PTPN4: variants seen among roughly 807,000 people sequenced by gnomAD.
PTPN4 encodes tyrosine-protein phosphatase non-receptor type 4.
A neutral mutation model predicts 135.5 loss-of-function variants in PTPN4; 49 were observed. That is an observed-to-expected ratio of 0.36 (90% confidence interval 0.29 to 0.46). PTPN4 has a LOEUF of 0.46. Among genes scored for constraint, PTPN4 ranks in the 20% least tolerant of loss-of-function variants. PTPN4 has a pLI of 1.00. For synonymous variants in PTPN4, 333 were observed against 369.9 expected (o/e 0.90, Z 1.14); for missense variants, 860 against 1,101.0 (o/e 0.78, Z 3.10).
In PTPN4 at chr2:119,952,018, C is replaced by A. The variant is rs765894843; in HGVS notation, c.1702C>A (p.Leu568Met). 3 of 1,613,112 alleles carry A rather than the reference C, an allele frequency of 1.9e-6. No individual in the cohort carries two copies. The African/African-American group carries it at 4.0e-5, about 22-fold the overall frequency. ...ACTGAATGAAGGGGACCAAGTTGTA[C>A]TGATCAATGGTCGGGACATTGCAGA... ...PRLNEGDQVV[L>M]INGRDIAEHT... is the part of the protein sequence containing the mutation. The change falls in exon 19 of 27, where the codon CTG becomes ATG. Residue 568 changes from leucine (L) to methionine (M), a missense_variant. By Grantham distance (15) the Leu-to-Met change is conservative. Coordinates refer to ENST00000263708, the MANE Select transcript of PTPN4 (RefSeq NM_002830.4).
chr2:119,781,935 C>T (rs996001970), intron 1 of PTPN4, among the ~76,000 whole-genome samples: 2 of 151,644 alleles, frequency 1.3e-5, no homozygotes, highest in African/African-American at 2.4e-5. Context: ...GCTTTTTTTC[C>T]TGCGTGATTG....
At chr2:119,967,308 G>T (rs940905689) in intron 25 of PTPN4, among the ~76,000 whole-genome samples, 2 of 152,084 alleles carry the variant, frequency 1.3e-5, no homozygotes, top group Non-Finnish European at 1.5e-5. Flanking sequence ...AATTAGCCAG[G>T]TGTGGTGGTG....
intron 22 of PTPN4, among the ~76,000 whole-genome samples, chr2:119,958,864 A>G (rs976303779): frequency 1.3e-5 from 2 of 152,214 alleles, no homozygotes; most frequent in African/African-American, 4.8e-5. Flanking sequence ...TCCATGAGGT[A>G]TATCACATCC....
intron 26 of PTPN4, among the ~76,000 whole-genome samples, chr2:119,975,007 T>C (rs1295669102): frequency 1.3e-5 from 2 of 152,202 alleles, no homozygotes; most frequent in Non-Finnish European, 2.9e-5. Flanking sequence ...ATAAACAGTA[T>C]GGCTAATGAA....
intron 8 of PTPN4, among the ~76,000 whole-genome samples, chr2:119,883,708 T>C (rs1270631475): frequency 6.6e-6 from 1 of 152,218 alleles, no homozygotes; most frequent in East Asian, 1.9e-4. Context: ...TCTTCTTCTC[T>C]GTTTCCTTAC....
chr2:119,878,339 T>G (rs1370918701), intron 5 of PTPN4, among the ~76,000 whole-genome samples: 3 of 152,156 alleles, frequency 2.0e-5, no homozygotes, highest in African/African-American at 7.2e-5. Context: ...ATGAGTTATT[T>G]TACAAAGACA....
intron 15 of PTPN4, among the ~76,000 whole-genome samples, chr2:119,937,836 G>A (rs1216513895): frequency 1.3e-5 from 2 of 152,058 alleles, no homozygotes; most frequent in Admixed American, 6.6e-5. Context: ...GGAGGCTGAG[G>A]CAGAAGGATC....
chr2:119,793,846 G>GTTTTTTTTTTTTTTTTTTTTTTTTT (rs55956611), intron 1 of PTPN4, among the ~76,000 whole-genome samples: 1 of 24,800 alleles, frequency 4.0e-5, no homozygotes, highest in Non-Finnish European at 6.3e-5. Context: ...TTCATTTTTA[G>GTTTTTTTTTTTTTTTTTTTTTTTTT]TTTTTTTTTT....
chr2:119,960,921 G>A lies in PTPN4; in HGVS notation c.2248G>A (p.Val750Ile). 2 of 1,613,562 alleles carry A rather than the reference G, an allele frequency of 1.2e-6. No homozygotes were observed. Among genetic ancestry groups the A allele is most frequent in the African/African-American group, 1.3e-5 (1 of 75,016 alleles). Reference sequence around the variant, plus strand: ...TTGGGAACAAGGCTCCTCTATGGTTGTAATGTTGACCACACAAGTTGAACG... The same window carrying A: ...TTGGGAACAAGGCTCCTCTATGGTTATAATGTTGACCACACAAGTTGAACG... ...MTWEQGSSMV[V>I]MLTTQVERGR... The change falls in exon 23 of 27, where the codon GTA becomes ATA. Residue 750 changes from valine (V) to isoleucine (I), a missense_variant. Physicochemically the swap from Val to Ile is conservative, Grantham distance 29. Coordinates refer to ENST00000263708, the MANE Select transcript of PTPN4 (RefSeq NM_002830.4).
At chr2:119,971,129 C>T (rs529531183) in intron 26 of PTPN4, among the ~76,000 whole-genome samples, 1 of 152,250 alleles carries the variant, frequency 6.6e-6, no homozygotes, top group East Asian at 1.9e-4. Flanking sequence ...ACTCACAGTT[C>T]CCCAGGCTGT....
chr2:119,951,881 C>A, intron 18 of PTPN4, 92 bp from the exon 19 acceptor site: 1 of 1,008,144 alleles, frequency 9.9e-7, no homozygotes, highest in Non-Finnish European at 1.4e-6. Context: ...TAGTTTAGTT[C>A]TCCTGCTATT....
intron 2 of PTPN4, among the ~76,000 whole-genome samples, chr2:119,824,013 T>C (rs1297090681): frequency 6.6e-6 from 1 of 152,230 alleles, no homozygotes; most frequent in African/African-American, 2.4e-5. Context: ...ATTCATTTAG[T>C]TCAGAATATT....
chr2:119,902,822 C>T (rs968400309), intron 10 of PTPN4, among the ~76,000 whole-genome samples: 3 of 152,114 alleles, frequency 2.0e-5, no homozygotes, highest in Non-Finnish European at 4.4e-5. Flanking sequence ...CCTCATGGGC[C>T]GTGAGACTAG....
At chr2:119,777,350 C>T (rs1027217242) in intron 1 of PTPN4, among the ~76,000 whole-genome samples, 3 of 152,170 alleles carry the variant, frequency 2.0e-5, no homozygotes, top group South Asian at 2.1e-4. Flanking sequence ...TTTAAAATTG[C>T]TTTCCTACTC....
At chr2:119,793,968 A>G (rs1014423376) in intron 1 of PTPN4, among the ~76,000 whole-genome samples, 3 of 138,732 alleles carry the variant, frequency 2.2e-5, no homozygotes, top group Admixed American at 8.4e-5. Context: ...TGATCCTCCT[A>G]TCTCAACTGG....
chr2:119,936,008 A>ATT (rs902869004), intron 15 of PTPN4, among the ~76,000 whole-genome samples: 1 of 147,776 alleles, frequency 6.8e-6, no homozygotes, highest in Non-Finnish European at 1.5e-5. Context: ...CCACATGTAA[A>ATT]TTTTTTTTTT....
chr2:119,762,565 C>T (rs139717666), intron 1 of PTPN4, among the ~76,000 whole-genome samples: 4 of 151,944 alleles, frequency 2.6e-5, no homozygotes, highest in Non-Finnish European at 5.9e-5. Context: ...CAGAAAATTG[C>T]AAGGAGGTTT....
intron 12 of PTPN4, among the ~76,000 whole-genome samples, chr2:119,922,033 C>G (rs980873772): frequency 6.6e-6 from 1 of 151,852 alleles, no homozygotes; most frequent in Non-Finnish European, 1.5e-5. Context: ...AAGTCTCAGA[C>G]AAGATGAGAA....
At chr2:119,822,681 A>G (rs962458013) in intron 2 of PTPN4, among the ~76,000 whole-genome samples, 2 of 151,834 alleles carry the variant, frequency 1.3e-5, no homozygotes, top group South Asian at 2.1e-4. Flanking sequence ...TCTTTAGCCG[A>G]TATCTTCTCT....
Sources: gnomAD v4.1 joint callset for allele counts (sites outside exome capture counted in the v4.1 genomes callset) on GRCh38, gnomAD v4.1.1 for gene constraint, MANE v1.5 for transcripts, NCBI Gene and HGNC (gene_info 2026-07-23, HGNC 2026-07-21) for gene names.